INPP4B: variants seen among roughly 807,000 people sequenced by gnomAD.
INPP4B encodes inositol polyphosphate-4-phosphatase type II B, also known as inositol polyphosphate 4-phosphatase type II.
INPP4B carries 55 observed loss-of-function variants against 122.5 expected under a neutral mutation model. The observed-to-expected ratio is 0.45, with a 90% confidence interval of 0.36 to 0.56. The LOEUF (loss-of-function observed/expected upper bound fraction) is 0.56, where lower values mean the gene tolerates loss of function less well. Among genes scored for constraint, INPP4B ranks in the 20% least tolerant of loss-of-function variants. The pLI, the probability that INPP4B is intolerant of heterozygous loss-of-function variation, is 0.00. For synonymous variants in INPP4B, 403 were observed against 388.7 expected (o/e 1.04, Z -0.43); for missense variants, 1,000 against 1,097.7 (o/e 0.91, Z 1.26).
At chr4:142,076,103 G>C (rs1770548609) in intron 25 of INPP4B, among the ~76,000 whole-genome samples, 1 of 151,918 alleles carries the variant, frequency 6.6e-6, no homozygotes, top group African/African-American at 2.4e-5. Context: ...ACACTCACAG[G>C]GTCTCAAGTT....
intron 11 of INPP4B, among the ~76,000 whole-genome samples, chr4:142,245,090 T>C (rs1727254607): frequency 6.6e-6 from 1 of 152,126 alleles, no homozygotes; most frequent in African/African-American, 2.4e-5. Flanking sequence ...TGTAAATTTG[T>C]TTTAAGTTCC....
At chr4:142,593,454 ACC>A (rs968008693) in intron 2 of INPP4B, among the ~76,000 whole-genome samples, 6 of 151,832 alleles carry the variant, frequency 4.0e-5, no homozygotes, top group African/African-American at 1.5e-4. Flanking sequence ...CCATCTACAG[ACC>A]TACCCATCAT....
chr4:142,137,904 G>A (rs928298013), intron 18 of INPP4B, among the ~76,000 whole-genome samples: 32 of 152,086 alleles, frequency 2.1e-4, no homozygotes, highest in Admixed American at 1.6e-3. Context: ...TGGAGAGGAT[G>A]TGGAGAAATA....
chr4:142,384,942 T>C (rs756187267), intron 7 of INPP4B, among the ~76,000 whole-genome samples: 2 of 152,216 alleles, frequency 1.3e-5, no homozygotes, highest in Non-Finnish European at 2.9e-5. Flanking sequence ...TCATTCTTTT[T>C]TATGGCTGCA....
chr4:142,271,398 A>C (rs1215898742), intron 9 of INPP4B, among the ~76,000 whole-genome samples: 1 of 152,210 alleles, frequency 6.6e-6, no homozygotes, highest in African/African-American at 2.4e-5. Flanking sequence ...GGAACCATCA[A>C]ATCTAAAACA....
At chr4:142,192,231 G>A (rs139977131) in intron 15 of INPP4B, among the ~76,000 whole-genome samples, 8 of 149,558 alleles carry the variant, frequency 5.3e-5, no homozygotes, top group African/African-American at 2.0e-4. Context: ...TTACTTCGGT[G>A]GCAAAATAAC....
chr4:142,263,333 T>C (rs901450903), intron 10 of INPP4B, among the ~76,000 whole-genome samples: 1 of 152,168 alleles, frequency 6.6e-6, no homozygotes, highest in Non-Finnish European at 1.5e-5. Flanking sequence ...TTTGACTACT[T>C]CAAAAGTTGT....
chr4:142,428,139 TTAAAA>T (rs1808509509), intron 5 of INPP4B, among the ~76,000 whole-genome samples: 1 of 151,568 alleles, frequency 6.6e-6, no homozygotes, highest in Non-Finnish European at 1.5e-5. Flanking sequence ...AAGTCATATT[TTAAAA>T]TAAAATATTT....
At chr4:142,291,165 T>G (rs1020064024) in intron 9 of INPP4B, among the ~76,000 whole-genome samples, 1 of 152,146 alleles carries the variant, frequency 6.6e-6, no homozygotes, top group South Asian at 2.1e-4. Flanking sequence ...CAAAAGCTTT[T>G]CCTTATATAA....
chr4:142,656,368 G>A (rs2150565580), intron 2 of INPP4B, among the ~76,000 whole-genome samples: 2 of 152,334 alleles, frequency 1.3e-5, no homozygotes, highest in Middle Eastern at 3.4e-3. Flanking sequence ...TGGGGCTCGA[G>A]AAGTGGTGAA....
intron 2 of INPP4B, among the ~76,000 whole-genome samples, chr4:142,494,419 G>C (rs1369885724): frequency 6.6e-6 from 1 of 152,054 alleles, no homozygotes; most frequent in East Asian, 1.9e-4. Context: ...TTTACCAAGA[G>C]AGATTTATGA....
intron 2 of INPP4B, among the ~76,000 whole-genome samples, chr4:142,690,861 G>A (rs1197100478): frequency 6.6e-6 from 1 of 152,070 alleles, no homozygotes; most frequent in Non-Finnish European, 1.5e-5. Flanking sequence ...CCCACCTCCA[G>A]AAACTAGAAA....
At chr4:142,696,735 G>A (rs891259546) in intron 2 of INPP4B, among the ~76,000 whole-genome samples, 1 of 152,100 alleles carries the variant, frequency 6.6e-6, no homozygotes, top group African/African-American at 2.4e-5. Context: ...AATTCACCAT[G>A]TCCTTTACAG....
chr4:142,397,708 G>A (rs1248219426), intron 7 of INPP4B, among the ~76,000 whole-genome samples: 3 of 151,866 alleles, frequency 2.0e-5, no homozygotes, highest in Non-Finnish European at 2.9e-5. Context: ...GCATGATGGC[G>A]GGCGCCTGTA....
chr4:142,107,789 T>A (rs896773438), intron 23 of INPP4B, among the ~76,000 whole-genome samples: 1 of 152,172 alleles, frequency 6.6e-6, no homozygotes, highest in African/African-American at 2.4e-5. Context: ...TACAAAATTT[T>A]TATCAGACTA....
At chr4:142,260,599 GAGAACAATC>G in intron 10 of INPP4B, 35 bp from the exon 11 acceptor site, 1 of 1,018,658 alleles carries the variant, frequency 9.8e-7, no homozygotes, top group Non-Finnish European at 1.5e-6. Context: ...AAAAAATTTT[GAGAACAATC>G]AAAATAAGGA....
At chr4:142,130,609 CA>C (rs1221940190) in intron 18 of INPP4B, among the ~76,000 whole-genome samples, 1 of 152,190 alleles carries the variant, frequency 6.6e-6, no homozygotes, top group Non-Finnish European at 1.5e-5. Context: ...AGGAAGGTAG[CA>C]TGTGAATGTA....
intron 7 of INPP4B, among the ~76,000 whole-genome samples, chr4:142,387,973 G>A (rs1796485940): frequency 6.6e-6 from 1 of 152,180 alleles, no homozygotes; most frequent in South Asian, 2.1e-4. Flanking sequence ...TTCAATCCTG[G>A]CTTAGGGAAT....
At chr4:142,836,805 T>A (rs554282248) in intron 1 of INPP4B, among the ~76,000 whole-genome samples, 8 of 152,002 alleles carry the variant, frequency 5.3e-5, no homozygotes, top group African/African-American at 1.9e-4. Flanking sequence ...TGTTAAAAAA[T>A]ATATATTAAT....
Sources: allele counts gnomAD v4.1 joint callset (sites outside exome capture counted in the v4.1 genomes callset), GRCh38; gene constraint gnomAD v4.1.1; transcripts MANE v1.5; gene names NCBI Gene and HGNC (gene_info 2026-07-23, HGNC 2026-07-21).